Variants in SLC24A2 observed in about 807,000 individuals in gnomAD.
SLC24A2 encodes the protein sodium/potassium/calcium exchanger 2.
A neutral mutation model predicts 62.0 loss-of-function variants in SLC24A2; 36 were observed. That is an observed-to-expected ratio of 0.58 (90% CI 0.44 to 0.77). The LOEUF is 0.77. Among genes scored for constraint, SLC24A2 ranks in the 30% least tolerant of loss-of-function variants. The pLI, the probability that SLC24A2 is intolerant of heterozygous loss-of-function variation, is 0.00. For synonymous variants in SLC24A2, 358 were observed against 294.0 expected, an observed-to-expected ratio of 1.22 and a Z score of -2.23; for missense variants, 846 against 817.9, an observed-to-expected ratio of 1.03 and a Z score of -0.42.
the SLC24A2 span, among the ~76,000 whole-genome samples, chr9:20,288,662 G>A: frequency 1.5e-4 from 23 of 150,480 alleles, no homozygotes; most frequent in South Asian, 4.6e-3. Context: ...GAAGGCTGAT[G>A]CACAAGAATC....
chr9:20,022,184 G>A, the SLC24A2 span, among the ~76,000 whole-genome samples: 2 of 152,108 alleles, frequency 1.3e-5, no homozygotes, highest in Non-Finnish European at 2.9e-5. Context: ...GGTCTAAAAT[G>A]AAATGCATCT....
intron 2 of SLC24A2, among the ~76,000 whole-genome samples, chr9:19,729,181 GA>G (rs1430014054): frequency 6.6e-6 from 1 of 152,050 alleles, no homozygotes; most frequent in Non-Finnish European, 1.5e-5. Context: ...AAACCACAAG[GA>G]AGTATCATTT....
chr9:20,146,404 A>C, the SLC24A2 span, among the ~76,000 whole-genome samples: 1 of 152,094 alleles, frequency 6.6e-6, no homozygotes, highest in Admixed American at 6.6e-5. Context: ...TTAGGTGAGA[A>C]TTTTAATTTT....
At chr9:19,824,473 C>T in the SLC24A2 span, among the ~76,000 whole-genome samples, 3 of 152,102 alleles carry the variant, frequency 2.0e-5, no homozygotes, top group East Asian at 1.9e-4. Context: ...CAATGAGATA[C>T]CATCTCATGT....
chr9:19,697,405 T>C (rs980893924), intron 2 of SLC24A2, among the ~76,000 whole-genome samples: 1 of 152,084 alleles, frequency 6.6e-6, no homozygotes, highest in African/African-American at 2.4e-5. Flanking sequence ...GAAACAAACC[T>C]GCACATTCGG....
At chr9:19,952,473 C>A in the SLC24A2 span, among the ~76,000 whole-genome samples, 1 of 151,942 alleles carries the variant, frequency 6.6e-6, no homozygotes, top group Non-Finnish European at 1.5e-5. Context: ...CTTGAAAGTG[C>A]CCTTAATCAG....
chr9:19,945,846 G>C, the SLC24A2 span, among the ~76,000 whole-genome samples: 1 of 152,144 alleles, frequency 6.6e-6, no homozygotes, highest in Non-Finnish European at 1.5e-5. Flanking sequence ...ATCCCTCAGG[G>C]ACTTGGGCAC....
intron 9 of SLC24A2, 67 bp downstream of exon 9, chr9:19,527,982 G>T: frequency 1.0e-6 from 1 of 998,066 alleles, no homozygotes; most frequent in Non-Finnish European, 1.6e-6. Flanking sequence ...CAAACACAAT[G>T]ATTAAACACT....
At chr9:19,990,619 A>C in the SLC24A2 span, among the ~76,000 whole-genome samples, 168 of 107,034 alleles carry the variant, frequency 1.6e-3, 4 homozygotes, top group East Asian at 0.03. Context: ...AAAAAAACAA[A>C]AAAAAAAAAA....
intron 2 of SLC24A2, among the ~76,000 whole-genome samples, chr9:19,682,320 G>T (rs68136136): frequency 0.18 from 27,757 of 152,036 alleles, 2,855 homozygotes; most frequent in Middle Eastern, 0.24. Flanking sequence ...GCATACAGAA[G>T]TACAATAACT....
chr9:19,537,151 T>C (rs1258285310), intron 8 of SLC24A2, among the ~76,000 whole-genome samples: 2 of 150,534 alleles, frequency 1.3e-5, no homozygotes, highest in Non-Finnish European at 3.0e-5. Flanking sequence ...ATGTTGTAGG[T>C]TGCCTGTTCA....
At chr9:19,576,840 CA>C (rs1836026835) in intron 6 of SLC24A2, 83 bp downstream of exon 6, 32 of 975,672 alleles carry the variant, frequency 3.3e-5, no homozygotes, top group Non-Finnish European at 5.3e-5. Context: ...TGCACTGAGT[CA>C]GGGGTGCCCA....
the SLC24A2 span, among the ~76,000 whole-genome samples, chr9:19,888,779 C>A: frequency 6.6e-6 from 1 of 152,132 alleles, no homozygotes; most frequent in Non-Finnish European, 1.5e-5. Flanking sequence ...TATAGATCAA[C>A]TGAGAAGGCA....
chr9:19,677,378 G>T (rs75421375), intron 2 of SLC24A2, among the ~76,000 whole-genome samples: 1 of 152,120 alleles, frequency 6.6e-6, no homozygotes, highest in African/African-American at 2.4e-5. Flanking sequence ...GAAACTAAAT[G>T]ATGAGAACAC....
intron 4 of SLC24A2, among the ~76,000 whole-genome samples, chr9:19,613,969 G>A (rs1468097313): frequency 6.6e-6 from 1 of 152,154 alleles, no homozygotes; most frequent in Non-Finnish European, 1.5e-5. Context: ...TAATGAGATG[G>A]TTTATATAAA....
the SLC24A2 span, among the ~76,000 whole-genome samples, chr9:20,015,454 A>G: frequency 6.6e-6 from 1 of 152,116 alleles, no homozygotes; most frequent in Non-Finnish European, 1.5e-5. Flanking sequence ...TGTAAAATCA[A>G]CTCAACATGC....
intron 2 of SLC24A2, among the ~76,000 whole-genome samples, chr9:19,784,318 A>G (rs1198130726): frequency 2.0e-5 from 3 of 152,200 alleles, no homozygotes; most frequent in Non-Finnish European, 2.9e-5. Context: ...TCCTACATAT[A>G]CCATTGGATT....
chr9:20,179,955 TG>T, the SLC24A2 span, among the ~76,000 whole-genome samples: 1 of 152,180 alleles, frequency 6.6e-6, no homozygotes, highest in Non-Finnish European at 1.5e-5. Flanking sequence ...CAATATCCAC[TG>T]GTTATATTGG....
intron 2 of SLC24A2, among the ~76,000 whole-genome samples, chr9:19,648,986 T>A (rs1210941810): frequency 7.1e-6 from 1 of 141,740 alleles, no homozygotes; most frequent in Non-Finnish European, 1.5e-5. Context: ...AATTTTGTCA[T>A]GTTTGATTAA....
Sources: allele counts gnomAD v4.1 joint callset (sites outside exome capture counted in the v4.1 genomes callset), GRCh38; gene constraint gnomAD v4.1.1; transcripts MANE v1.5; gene names NCBI Gene and HGNC (gene_info 2026-07-23, HGNC 2026-07-21).